Variants in ETS1 observed in about 807,000 individuals in gnomAD.
ETS1 encodes protein C-ets-1.
ETS1 carries 15 observed loss-of-function variants against 58.6 expected under a neutral mutation model. The ratio of observed to expected loss-of-function variants is 0.26; its 90% CI spans 0.17 to 0.39. The LOEUF is 0.39. Among genes scored for constraint, ETS1 ranks in the 10% least tolerant of loss-of-function variants. The pLI is 1.00. For missense variants in ETS1, 417 were observed against 610.5 expected (o/e 0.68, Z 3.34); for synonymous variants, 214 against 218.2 (o/e 0.98, Z 0.17).
At chr11:128,465,003 G>A (rs912454739) in intron 8 of ETS1, among the ~76,000 whole-genome samples, 1 of 152,228 alleles carries the variant, frequency 6.6e-6, no homozygotes, top group East Asian at 1.9e-4. Flanking sequence ...CACGGTTAGC[G>A]AAATGGTGGT....
intron 3 of ETS1, chr11:128,505,365 T>C (rs926681033): frequency 6.6e-6 from 1 of 152,232 alleles, no homozygotes; most frequent in African/African-American, 2.4e-5. Flanking sequence ...AGAAAGGCCA[T>C]GGCCTGAAGT....
At chr11:128,476,898 T>C (rs11221322) in intron 8 of ETS1, among the ~76,000 whole-genome samples, 20,109 of 152,312 alleles carry the variant, frequency 0.13, 1,606 homozygotes, top group Middle Eastern at 0.27. Flanking sequence ...AGGCAGGCTT[T>C]CAAGCCACGT....
intron 3 of ETS1, 129 bp from the exon 4 acceptor site, chr11:128,490,705 G>C: frequency 3.5e-6 from 2 of 568,956 alleles, no homozygotes; most frequent in Admixed American, 3.2e-5. Context: ...CAGAGCACCA[G>C]AGCAGGCAAT....
intron 3 of ETS1, among the ~76,000 whole-genome samples, chr11:128,529,482 C>A (rs573813439): frequency 2.0e-5 from 3 of 152,160 alleles, no homozygotes; most frequent in African/African-American, 7.2e-5. Flanking sequence ...GTATTGCTCT[C>A]TGCACTTTGT....
Position 128,463,645 on chromosome 11 carries a change from T to C in ETS1, c.1124-18A>G. 1.5e-6 allele frequency: 2 copies of C among 1,351,922 alleles called. No individual in the cohort carries two copies. Among genetic ancestry groups the C allele is most frequent in the South Asian group, 1.2e-5 (1 of 85,930 alleles). 83.7% of individuals were successfully genotyped at this position (1,351,922 alleles called of 1,614,324 possible). ...TCCACTGCCTAGAAACACAAGCCAT[T>C]GTGAATCATTACACCAGATATTCAG... On this transcript the variant is annotated intron_variant, in intron 8 of 9. Coordinates refer to ENST00000392668, the MANE Select transcript of ETS1 (RefSeq NM_001143820.2). The surrounding 1 kb of genome is among the most constrained non-coding windows in gnomAD (Gnocchi z 4.1).
At chr11:128,474,312 C>T (rs1862263722) in intron 8 of ETS1, among the ~76,000 whole-genome samples, 1 of 152,164 alleles carries the variant, frequency 6.6e-6, no homozygotes, top group African/African-American at 2.4e-5. Context: ...CACTAAGATG[C>T]TTCAGCCAGT....
At chr11:128,477,048 C>T (rs1269938238) in intron 8 of ETS1, among the ~76,000 whole-genome samples, 1 of 152,246 alleles carries the variant, frequency 6.6e-6, no homozygotes, top group Non-Finnish European at 1.5e-5. Context: ...GGCTTCCGCA[C>T]TTACAGTGCA....
chr11:128,568,705 C>T (rs1226033297), intron 2 of ETS1, among the ~76,000 whole-genome samples: 1 of 152,198 alleles, frequency 6.6e-6, no homozygotes, highest in Non-Finnish European at 1.5e-5. Context: ...TTACCTGAGG[C>T]TGGCATGGAT....
At chr11:128,490,358 T>C (rs966213346) in intron 4 of ETS1, 99 bp downstream of exon 4, 103 of 1,245,706 alleles carry the variant, frequency 8.3e-5, no homozygotes, top group Admixed American at 1.9e-5. Context: ...GACTCCAATG[T>C]GGTTAGTGTA....
rs560769754 is a variant in ETS1, at chr11:128,572,914, G to T, written c.69+148C>A. 1.7e-5 allele frequency: 10 copies of T among 591,450 alleles called. No individual in the cohort carries two copies. In the African/African-American group the frequency reaches 1.9e-4, roughly 11 times the overall value. 36.6% of individuals were successfully genotyped at this position (591,450 alleles called of 1,614,324 possible). On this transcript the variant is annotated intron_variant, in intron 2 of 9. Transcript: ENST00000392668. ...TAAAATCATAGATAATCTTACAATT[G>T]ACATCCTCCAAAAGATTCAAAGCTG...
chr11:128,506,218 C>T (rs1243056518), intron 3 of ETS1, among the ~76,000 whole-genome samples: 4 of 152,126 alleles, frequency 2.6e-5, no homozygotes, highest in Non-Finnish European at 5.9e-5. Context: ...GATGGCACAA[C>T]TCTGTGAATG....
intron 8 of ETS1, among the ~76,000 whole-genome samples, chr11:128,476,560 G>A (rs1862328551): frequency 6.6e-6 from 1 of 152,222 alleles, no homozygotes; most frequent in Non-Finnish European, 1.5e-5. Flanking sequence ...TAGAGGGGTT[G>A]AGAGGAAGAG....
chr11:128,527,744 G>C (rs996108480), intron 3 of ETS1, among the ~76,000 whole-genome samples: 2 of 152,220 alleles, frequency 1.3e-5, no homozygotes, highest in African/African-American at 4.8e-5. Context: ...CAAGGCTGCA[G>C]GTGGTTTCAT....
chr11:128,509,720 TA>T (rs1422504894), intron 3 of ETS1, among the ~76,000 whole-genome samples: 1 of 152,130 alleles, frequency 6.6e-6, no homozygotes, highest in African/African-American at 2.4e-5. Flanking sequence ...AGAAGAATGT[TA>T]GAAAGTTTTC....
intron 3 of ETS1, among the ~76,000 whole-genome samples, chr11:128,502,174 T>C (rs1310838130): frequency 1.3e-5 from 2 of 152,218 alleles, no homozygotes; most frequent in Non-Finnish European, 2.9e-5. Context: ...TATGCACAGC[T>C]CCAACTGGAC....
At chr11:128,561,335 G>A (rs183304779) in intron 2 of ETS1, among the ~76,000 whole-genome samples, 4 of 152,376 alleles carry the variant, frequency 2.6e-5, no homozygotes, top group South Asian at 2.1e-4. Flanking sequence ...GCAAGAAGGC[G>A]AGGAGGCTGA....
chr11:128,519,578 C>T (rs1157915033), intron 3 of ETS1, among the ~76,000 whole-genome samples: 1 of 152,208 alleles, frequency 6.6e-6, no homozygotes, highest in African/African-American at 2.4e-5. Context: ...ATGTCTTGTC[C>T]TTCCACTAAC....
chr11:128,490,375 G>A, intron 4 of ETS1, 82 bp downstream of exon 4: 2 of 1,457,020 alleles, frequency 1.4e-6, no homozygotes, highest in African/African-American at 1.4e-5. Flanking sequence ...TGTAACGTCT[G>A]CCTCACACAC....
At chr11:128,571,516 A>AGC (rs1864632882) in intron 2 of ETS1, among the ~76,000 whole-genome samples, 1 of 19,364 alleles carries the variant, frequency 5.2e-5, no homozygotes, top group African/African-American at 2.9e-4. Context: ...AAAAAAAAAA[A>AGC]AAAAAAAAAA....
Sources: allele counts gnomAD v4.1 joint callset (sites outside exome capture counted in the v4.1 genomes callset), GRCh38; gene constraint gnomAD v4.1.1; non-coding constraint Gnocchi (gnomAD v3.1); transcripts MANE v1.5; gene names NCBI Gene and HGNC (gene_info 2026-07-23, HGNC 2026-07-21).